The following CCL28 variants were observed in gnomAD, a reference collection of about 807,000 sequenced individuals.
CCL28 encodes C-C motif chemokine 28.
A neutral mutation model predicts 7.1 loss-of-function variants in CCL28; 4 were observed. The observed-to-expected ratio is 0.56, with a 90% CI of 0.28 to 1.29. The LOEUF is 1.29. Among genes scored for constraint, CCL28 ranks in the 50% most tolerant of loss-of-function variants. The pLI is 0.11. For synonymous variants in CCL28, 55 were observed against 57.8 expected, an observed-to-expected ratio of 0.95 and a Z score of 0.22; for missense variants, 151 against 163.4, an observed-to-expected ratio of 0.92 and a Z score of 0.41.
rs1740123697 is a variant in CCL28, at chr5:43,381,737, T to A, written c.*123A>T. ...GCATACCGCACAATTGTTCATTTTT[T>A]AAAAACCAATATTTTGTTTTGTTCT... On this transcript the variant is annotated 3_prime_UTR_variant, in exon 3 of 3. Coordinates refer to ENST00000361115, the MANE Select transcript of CCL28 (RefSeq NM_148672.3). 2 of 834,810 alleles carry A rather than the reference T, an allele frequency of 2.4e-6. No individual in the cohort carries two copies. The highest frequency in any genetic ancestry group is 1.9e-6 in the Non-Finnish European group (1 of 523,480). The allele number at this position is 834,810 out of a possible 1,614,324, so 51.7% of individuals were successfully genotyped here.
downstream of CCL28, chr5:43,377,491 C>CAAAAAAAAAAAAAAAAAAA (rs541924162): frequency 9.8e-6 from 1 of 102,084 alleles, no homozygotes. Context: ...GACTCTGTAT[C>CAAAAAAAAAAAAAAAAAAA]AAAAAAAAAA....
chr5:43,362,635 G>A, the CCL28 span, among the ~76,000 whole-genome samples: 1 of 152,148 alleles, frequency 6.6e-6, no homozygotes, highest in Non-Finnish European at 1.5e-5. Flanking sequence ...TTACATAGCA[G>A]TCATTGTGAA....
chr5:43,358,529 T>C, the CCL28 span, among the ~76,000 whole-genome samples: 1 of 152,104 alleles, frequency 6.6e-6, no homozygotes, highest in African/African-American at 2.4e-5. Context: ...TTTGGTGGAG[T>C]GGAACTTCAG....
intron 1 of CCL28, among the ~76,000 whole-genome samples, chr5:43,402,945 C>T (rs910066896): frequency 7.2e-5 from 11 of 152,188 alleles, no homozygotes; most frequent in African/African-American, 1.9e-4. Context: ...AACAGCAAGG[C>T]GGCAGTGAGG....
intron 1 of CCL28, among the ~76,000 whole-genome samples, chr5:43,406,666 G>A (rs781737384): frequency 6.6e-5 from 10 of 151,646 alleles, no homozygotes; most frequent in Non-Finnish European, 1.2e-4. Context: ...GCAGGAGAAA[G>A]AAAGGATATT....
chr5:43,399,863 TG>T (rs1301696547), intron 1 of CCL28, among the ~76,000 whole-genome samples: 1 of 151,490 alleles, frequency 6.6e-6, no homozygotes, highest in Non-Finnish European at 1.5e-5. Flanking sequence ...TTTTTTTTTT[TG>T]GGAGACCGTC....
At chr5:43,409,573 C>T (rs1741450576) in intron 1 of CCL28, among the ~76,000 whole-genome samples, 1 of 151,978 alleles carries the variant, frequency 6.6e-6, no homozygotes, top group Non-Finnish European at 1.5e-5. Flanking sequence ...GGTAACCTTC[C>T]CTAGCCAGAG....
chr5:43,362,254 T>C, the CCL28 span, among the ~76,000 whole-genome samples: 1 of 152,154 alleles, frequency 6.6e-6, no homozygotes, highest in African/African-American at 2.4e-5. Flanking sequence ...GTGGCAGTTA[T>C]GAATGGGATT....
At chr5:43,374,504 T>C (rs1324366364), downstream of CCL28, among the ~76,000 whole-genome samples, 1 of 152,188 alleles carries the variant, frequency 6.6e-6, no homozygotes, top group African/African-American at 2.4e-5. Flanking sequence ...AATTCAAGGC[T>C]GGGTGCAGTG....
chr5:43,389,769 C>CAAG (rs1740495558), intron 1 of CCL28, among the ~76,000 whole-genome samples: 1 of 152,070 alleles, frequency 6.6e-6, no homozygotes, highest in African/African-American at 2.4e-5. Context: ...TATAAAAAGG[C>CAAG]AAGAAGCAGG....
intron 1 of CCL28, among the ~76,000 whole-genome samples, chr5:43,403,794 C>A (rs992836948): frequency 6.6e-6 from 1 of 152,086 alleles, no homozygotes; most frequent in East Asian, 1.9e-4. Flanking sequence ...ACTATAATAA[C>A]CAATGCAGAG....
chr5:43,409,083 G>C (rs1741426829), intron 1 of CCL28, among the ~76,000 whole-genome samples: 1 of 151,900 alleles, frequency 6.6e-6, no homozygotes, highest in Non-Finnish European at 1.5e-5. Context: ...TTCAAGACCA[G>C]TCTGGGCAAC....
intron 2 of CCL28, chr5:43,388,073 A>G (rs911426524): frequency 3.2e-6 from 1 of 308,560 alleles, no homozygotes; most frequent in South Asian, 1.1e-4. Context: ...AGTCATGAAC[A>G]CTTTTTGGTG....
chr5:43,409,625 C>A (rs1284850361), intron 1 of CCL28, among the ~76,000 whole-genome samples: 2 of 152,048 alleles, frequency 1.3e-5, no homozygotes, highest in African/African-American at 4.8e-5. Flanking sequence ...AGGATGCAAG[C>A]AGCAAATCTC....
chr5:43,412,250 C>A lies in CCL28; in HGVS notation c.64+3G>T, dbSNP rs760991340. The A allele has an allele frequency of 6.2e-7, 1 of 1,610,710 alleles. No homozygotes were observed. The highest frequency in any genetic ancestry group is 1.1e-5 in the South Asian group (1 of 90,286). On this transcript the variant is annotated splice_donor_region_variant and intron_variant, in intron 1 of 2. Transcript: ENST00000361115. Reference sequence around the variant, plus strand: ...GGCCTAAGTGTCCAGTGCCCCCACTCACCTTCTGAGGCATGTAGGGCCGCA... The same window carrying A: ...GGCCTAAGTGTCCAGTGCCCCCACTAACCTTCTGAGGCATGTAGGGCCGCA...
chr5:43,399,879 T>G (rs1468618586), intron 1 of CCL28, among the ~76,000 whole-genome samples: 1 of 151,812 alleles, frequency 6.6e-6, no homozygotes, highest in Non-Finnish European at 1.5e-5. Context: ...ACCGTCTTGT[T>G]CTGTTGCCCA....
chr5:43,361,725 G>A, the CCL28 span, among the ~76,000 whole-genome samples: 1 of 152,134 alleles, frequency 6.6e-6, no homozygotes, highest in Non-Finnish European at 1.5e-5. Flanking sequence ...AGTTATCCCA[G>A]CACTATTTAT....
chr5:43,409,643 T>G (rs1390852004), intron 1 of CCL28, among the ~76,000 whole-genome samples: 1 of 151,930 alleles, frequency 6.6e-6, no homozygotes, highest in Admixed American at 6.6e-5. Context: ...CTCTAGCAAG[T>G]ATTGGTGTGA....
chr5:43,361,075 G>A, the CCL28 span, among the ~76,000 whole-genome samples: 1 of 152,106 alleles, frequency 6.6e-6, no homozygotes, highest in East Asian at 1.9e-4. Flanking sequence ...TGCAGTGTTT[G>A]GTTTTCTAGT....
Sources: allele counts gnomAD v4.1 joint callset (sites outside exome capture counted in the v4.1 genomes callset), GRCh38; gene constraint gnomAD v4.1.1; transcripts MANE v1.5; gene names NCBI Gene and HGNC (gene_info 2026-07-23, HGNC 2026-07-21).